The following BEND2 variants were observed in gnomAD, a reference collection of about 807,000 sequenced individuals.
The protein encoded by BEND2 is BEN domain containing 2.
A neutral mutation model predicts 43.8 loss-of-function variants in BEND2; 19 were observed. That is an observed-to-expected ratio of 0.43 (90% confidence interval 0.30 to 0.64). The LOEUF is 0.64. BEND2 is among the 30% of genes least tolerant of loss of function. The pLI, the probability that BEND2 is intolerant of heterozygous loss-of-function variation, is 0.11. For missense variants in BEND2, 544 were observed against 574.0 expected, an observed-to-expected ratio of 0.95 and a Z score of 0.53; for synonymous variants, 226 against 210.1, an observed-to-expected ratio of 1.08 and a Z score of -0.66.
chrX:18,197,839 G>A (rs1925008433), intron 6 of BEND2, among the ~76,000 whole-genome samples: 1 of 111,333 alleles, frequency 9.0e-6, no homozygotes, highest in South Asian at 3.8e-4. Context: ...GACCTAGGGG[G>A]AGGTAACTGA....
In BEND2 at chrX:18,180,539, G is replaced by A; in HGVS notation, c.1400C>T (p.Ser467Leu). ...CTTGGGAGGGATACAGACAGATGAT[G>A]AGGAAGAATCCTGGCCACTGTCACT... ...LDSDSGQDSS[S>L]SSVCIPPKYG... is the part of the protein sequence containing the mutation. The change falls in exon 9 of 14, where the codon TCA (serine) becomes TTA (leucine). Residue 467 changes from serine (S) to leucine (L), a missense_variant. Transcript: ENST00000380033. 1 of 1,206,989 alleles carries A rather than the reference G, an allele frequency of 8.3e-7. No homozygotes were observed. Among genetic ancestry groups the A allele is most frequent in the South Asian group, 1.8e-5 (1 of 56,843 alleles).
chrX:18,190,766 T>TCTCTCTCTCTCACA (rs1439593746), intron 8 of BEND2, among the ~76,000 whole-genome samples: 3 of 93,008 alleles, frequency 3.2e-5, no homozygotes, highest in Admixed American at 1.2e-4. Context: ...TCTCTCTCTC[T>TCTCTCTCTCTCACA]CACACACACA....
rs149409811 is a variant in BEND2, at chrX:18,180,446, T to A, written c.1429+64A>T. 124 of 1,181,903 alleles carry A rather than the reference T, an allele frequency of 1.0e-4. No individual in the cohort carries two copies. In the East Asian group the frequency reaches 3.4e-3, roughly 32 times the overall value. ...AACACAGAGCTTTCACTGTCTTGCATCAAGGAAGTGGAAGAATGTAGCTCA... is the reference window on the plus strand; with the variant it reads ...AACACAGAGCTTTCACTGTCTTGCAACAAGGAAGTGGAAGAATGTAGCTCA... On this transcript the variant is annotated intron_variant, in intron 9 of 13. Transcript: ENST00000380033.
At chrX:18,206,366 G>C (rs1342523772) in intron 4 of BEND2, among the ~76,000 whole-genome samples, 1 of 111,406 alleles carries the variant, frequency 9.0e-6, no homozygotes, top group Non-Finnish European at 1.9e-5. Flanking sequence ...GAAACAGCAG[G>C]TTCAAAAATA....
rs1483445254 is a variant in BEND2 at position 18,174,276 on chromosome X, C to A, written c.1753-18G>T. On this transcript the variant is annotated intron_variant, in intron 11 of 13. Coordinates refer to ENST00000380033, the MANE Select transcript of BEND2 (RefSeq NM_153346.5). Reference sequence around the variant, plus strand: ...ACAGTTTTCTGTTGAAACACAAAATCATATCCGTAAACAAAGTCCCACAGC... The same window carrying A: ...ACAGTTTTCTGTTGAAACACAAAATAATATCCGTAAACAAAGTCCCACAGC... The A allele has an allele frequency of 1.7e-6, 2 of 1,183,374 alleles. No homozygotes were observed. Among genetic ancestry groups the A allele is most frequent in the Admixed American group, 4.4e-5 (2 of 45,593 alleles).
At chrX:18,197,594 C>T (rs941554561) in intron 6 of BEND2, among the ~76,000 whole-genome samples, 1 of 111,362 alleles carries the variant, frequency 9.0e-6, no homozygotes, top group African/African-American at 3.3e-5. Flanking sequence ...GAACATGGGC[C>T]GCTGCCATTT....
At chrX:18,211,611 T>C (rs5955948) in intron 4 of BEND2, among the ~76,000 whole-genome samples, 24,666 of 110,364 alleles carry the variant, frequency 0.22, 2,257 homozygotes, top group East Asian at 0.34. Context: ...GGTGAAACAC[T>C]GTCTCTACTA....
chrX:18,187,436 A>C (rs1161447996), intron 8 of BEND2, among the ~76,000 whole-genome samples: 1 of 112,062 alleles, frequency 8.9e-6, no homozygotes, highest in African/African-American at 3.2e-5. Context: ...AATTCAGCAA[A>C]AGGATATAAC....
intron 4 of BEND2, among the ~76,000 whole-genome samples, chrX:18,204,651 C>T (rs73636676): frequency 0.012 from 1,356 of 111,769 alleles, 21 homozygotes; most frequent in African/African-American, 0.042. Context: ...TGTCTTGCTC[C>T]TATTCGAGGC....
At chrX:18,213,226 G>A (rs1925565825) in intron 3 of BEND2, among the ~76,000 whole-genome samples, 1 of 112,212 alleles carries the variant, frequency 8.9e-6, no homozygotes, top group Non-Finnish European at 1.9e-5. Flanking sequence ...ATAAATGGAT[G>A]TGAAATGTAA....
At chrX:18,195,681 G>A (rs990068683) in intron 6 of BEND2, among the ~76,000 whole-genome samples, 1 of 110,241 alleles carries the variant, frequency 9.1e-6, no homozygotes, top group Non-Finnish European at 1.9e-5. Context: ...AGAAGTTCGA[G>A]ACCAGCCTGG....
In BEND2 at chrX:18,203,798, C is replaced by T. The variant is rs1281473400; in HGVS notation, c.610G>A (p.Glu204Lys). The T allele has an allele frequency of 4.1e-6, 5 of 1,209,641 alleles. No homozygotes were observed. The highest frequency in any genetic ancestry group is 4.5e-6 in the Non-Finnish European group (4 of 894,619). ...CHELQEADLS[E>K]SLSYPRIVSS... ...ACAATTCTGGGATATGATAAACTCTCACTGAGGTCTGCTTCCTGCAGTTCA... is the reference window on the plus strand; with the variant it reads ...ACAATTCTGGGATATGATAAACTCTTACTGAGGTCTGCTTCCTGCAGTTCA... Residue 204 changes from glutamate to lysine, a missense_variant, in exon 5 of 14, where the codon GAG becomes AAG. By Grantham distance (56) the Glu-to-Lys change is moderately conservative (BLOSUM62 1). Around this residue, in one of 2 missense-constraint regions of BEND2, gnomAD observed 501 missense variants for 501.6 expected, o/e 1.00. Transcript: ENST00000380033.
At chrX:18,175,160 G>A (rs1339870807) in intron 11 of BEND2, among the ~76,000 whole-genome samples, 2 of 112,087 alleles carry the variant, frequency 1.8e-5, no homozygotes, top group East Asian at 5.6e-4. Context: ...TTAAAAATAA[G>A]CAGATTTGGT....
chrX:18,219,554 T>C (rs1176084343), intron 1 of BEND2, among the ~76,000 whole-genome samples: 2 of 112,928 alleles, frequency 1.8e-5, no homozygotes, highest in Non-Finnish European at 3.7e-5. Context: ...TCAGACTCTA[T>C]GTCTCAACCG....
rs1923787826 is a variant in BEND2 at position 18,165,072 on chromosome X, G to A, written c.2337C>T (p.Thr779=). ...TTGACTCCTGCTCCAGCTCTGGAGG[G>A]GTCACTGCTGGAAGCGACTGAGACC... ...EARSQSLPAV[T]PPELEQESKP... The change falls in exon 14 of 14, where the codon ACC becomes ACT. Residue 779 remains threonine, a synonymous_variant. Transcript: ENST00000380033. 4 of 1,208,147 alleles carry A rather than the reference G, an allele frequency of 3.3e-6. No homozygotes were observed. Among genetic ancestry groups the A allele is most frequent in the Non-Finnish European group, 4.5e-6 (4 of 895,169 alleles).
At chrX:18,186,460 A>G (rs1336729202) in intron 8 of BEND2, among the ~76,000 whole-genome samples, 3 of 98,140 alleles carry the variant, frequency 3.1e-5, no homozygotes, top group Admixed American at 1.1e-4. Context: ...CTCCGTCGGA[A>G]AAAAAAAAAA....
intron 8 of BEND2, among the ~76,000 whole-genome samples, chrX:18,187,451 G>A (rs189539076): frequency 1.8e-5 from 2 of 111,839 alleles, no homozygotes; most frequent in Non-Finnish European, 3.8e-5. Flanking sequence ...TATAACAATT[G>A]TAAATCTCTA....
intron 13 of BEND2, among the ~76,000 whole-genome samples, chrX:18,167,355 G>A (rs1192000515): frequency 9.0e-6 from 1 of 110,772 alleles, no homozygotes; most frequent in Non-Finnish European, 1.9e-5. Context: ...TAGCTGAATT[G>A]GAGAAACACA....
chrX:18,204,812 C>G, intron 4 of BEND2, among the ~76,000 whole-genome samples: 1 of 111,521 alleles, frequency 9.0e-6, no homozygotes, highest in Non-Finnish European at 1.9e-5. Flanking sequence ...ATGATGAAGA[C>G]GCTGCACATC....
Sources: allele counts gnomAD v4.1 joint callset (sites outside exome capture counted in the v4.1 genomes callset), GRCh38; gene constraint gnomAD v4.1.1; regional missense constraint gnomAD v4.1.1; transcripts MANE v1.5; gene names NCBI Gene and HGNC (gene_info 2026-07-23, HGNC 2026-07-21).